The following SEMA3A variants were observed in gnomAD, a reference collection of about 807,000 sequenced individuals.
The protein encoded by SEMA3A is semaphorin 3A, also known as semaphorin-3A.
In SEMA3A, 29 loss-of-function variants were observed where a neutral mutation model predicts 97.9. That is an observed-to-expected ratio of 0.30 (90% confidence interval 0.22 to 0.40). The LOEUF (loss-of-function observed/expected upper bound fraction) is 0.40, where lower values mean the gene tolerates loss of function less well. Among genes scored for constraint, SEMA3A ranks in the 10% least tolerant of loss-of-function variants. SEMA3A has a pLI of 1.00. For synonymous variants in SEMA3A, 321 were observed against 323.7 expected, an observed-to-expected ratio of 0.99 and a Z score of 0.09; for missense variants, 763 against 951.3, an observed-to-expected ratio of 0.80 and a Z score of 2.60.
At chr7:84,208,919 G>T (rs1798560874) in intron 3 of SEMA3A, among the ~76,000 whole-genome samples, 1 of 152,134 alleles carries the variant, frequency 6.6e-6, no homozygotes, top group African/African-American at 2.4e-5. Flanking sequence ...ACCAGCATTG[G>T]ATACTGTGTA....
rs185511746 is a variant in SEMA3A, at chr7:84,417,909, A to G, written c.-245-46009T>C. 4.6e-4 allele frequency among the ~76,000 whole-genome samples: 70 copies of G among 152,240 alleles called. No homozygotes were observed. The East Asian group carries it at 0.011, about 24-fold the overall frequency. ...ATAGATAGCAATTACTAAGTACCAA[A>G]CGCTAGTCTAATTATTAAGCTAATA... On this transcript the variant is annotated intron_variant, in intron 1 of 3. Transcript: ENST00000424555.
intron 13 of SEMA3A, 128 bp from the exon 14 acceptor site, chr7:83,981,606 T>C: frequency 1.2e-6 from 1 of 811,728 alleles, no homozygotes; most frequent in Admixed American, 3.6e-5. Flanking sequence ...ATCATCCCTT[T>C]ATTGCTAATT....
intron 4 of SEMA3A, among the ~76,000 whole-genome samples, chr7:84,084,955 A>G (rs1257862018): frequency 6.6e-6 from 1 of 152,172 alleles, no homozygotes; most frequent in African/African-American, 2.4e-5. Context: ...TTAGCTTTAC[A>G]GTTGATTACT....
intron 2 of SEMA3A, among the ~76,000 whole-genome samples, chr7:84,334,876 C>G (rs936085799): frequency 6.6e-6 from 1 of 151,618 alleles, no homozygotes; most frequent in African/African-American, 2.4e-5. Context: ...TCAATTTCCC[C>G]CTAAGTCCCA....
At chr7:84,003,537 A>G (rs1790544758) in intron 11 of SEMA3A, among the ~76,000 whole-genome samples, 1 of 152,130 alleles carries the variant, frequency 6.6e-6, no homozygotes, top group African/African-American at 2.4e-5. Context: ...ATCATCAGAC[A>G]TTCAACACAC....
chr7:84,048,394 A>G (rs1792447923), intron 5 of SEMA3A, among the ~76,000 whole-genome samples: 1 of 152,024 alleles, frequency 6.6e-6, no homozygotes, highest in South Asian at 2.1e-4. Flanking sequence ...ATTAACCAAT[A>G]TTCAAGCACC....
intron 4 of SEMA3A, among the ~76,000 whole-genome samples, chr7:84,086,287 T>C (rs918414732): frequency 2.0e-5 from 3 of 151,778 alleles, no homozygotes; most frequent in Non-Finnish European, 4.4e-5. Flanking sequence ...CAACAGTCTC[T>C]AGAATTAGCA....
rs555981348 is a variant in SEMA3A at position 84,317,531 on chromosome 7, C to A, written c.-168-10239G>T. On this transcript the variant is annotated intron_variant, in intron 2 of 3. Coordinates refer to the SEMA3A transcript ENST00000424555. ...ATTTTAACTTATATTTTTACAAAAT[C>A]TTTTCTTACCTAAATATCACTATTT... Among the ~76,000 whole-genome samples the A allele has an allele frequency of 1.2e-4, 19 of 152,126 alleles. No homozygotes were observed. The South Asian group carries it at 3.5e-3, about 28-fold the overall frequency.
chr7:84,140,508 A>G (rs1452465115), intron 1 of SEMA3A, among the ~76,000 whole-genome samples: 1 of 152,106 alleles, frequency 6.6e-6, no homozygotes, highest in Non-Finnish European at 1.5e-5. Flanking sequence ...GCTGGACTCA[A>G]ATGAATTGCC....
chr7:84,232,255 ATTTATTATATTATAT>A (rs1562863766), intron 3 of SEMA3A, among the ~76,000 whole-genome samples: 4 of 147,850 alleles, frequency 2.7e-5, no homozygotes. Flanking sequence ...TTATATGTAT[ATTTATTATATTATAT>A]TTTATTATAT....
chr7:84,011,056 T>G lies in SEMA3A; in HGVS notation c.961A>C (p.Asn321His). The G allele has an allele frequency of 6.2e-7, 1 of 1,612,278 alleles. No homozygotes were observed. Among genetic ancestry groups the G allele is most frequent in the South Asian group, 1.1e-5 (1 of 91,002 alleles). The stretch of plus-strand genomic sequence containing the variant: ...GTAAACACTCCATATACAACTGGAT[T>G]TTTAGGATCTTTAAAGTTCATTAGG... ...VFLMNFKDPK[N>H]PVVYGVFTTS... The change falls in exon 9 of 17, where the codon AAT (asparagine) becomes CAT (histidine). Residue 321 changes from asparagine to histidine, a missense_variant. By Grantham distance (68) the Asn-to-His change is moderately conservative. Coordinates refer to ENST00000265362, the MANE Select transcript of SEMA3A (RefSeq NM_006080.3).
intron 1 of SEMA3A, among the ~76,000 whole-genome samples, chr7:84,461,061 A>C (rs1441003051): frequency 6.6e-6 from 1 of 152,200 alleles, no homozygotes; most frequent in Non-Finnish European, 1.5e-5. Flanking sequence ...TATCAGCCCA[A>C]ATAGAAGCTT....
At chr7:83,998,849 C>T (rs1790323640) in intron 12 of SEMA3A, among the ~76,000 whole-genome samples, 1 of 152,076 alleles carries the variant, frequency 6.6e-6, no homozygotes, top group African/African-American at 2.4e-5. Context: ...TAGCCTAGGC[C>T]TACACAGGGT....
intron 1 of SEMA3A, among the ~76,000 whole-genome samples, chr7:84,138,618 G>A (rs1347019608): frequency 6.6e-6 from 1 of 151,956 alleles, no homozygotes; most frequent in East Asian, 1.9e-4. Flanking sequence ...TCAACAGTTT[G>A]ATTTTTTAAA....
intron 1 of SEMA3A, among the ~76,000 whole-genome samples, chr7:84,175,180 T>G (rs1797524052): frequency 6.6e-6 from 1 of 152,242 alleles, no homozygotes; most frequent in African/African-American, 2.4e-5. Flanking sequence ...TGAGCCTTGG[T>G]TTCCTTATCT....
chr7:84,116,721 G>A (rs954707897), intron 3 of SEMA3A, among the ~76,000 whole-genome samples: 6 of 152,148 alleles, frequency 3.9e-5, no homozygotes, highest in African/African-American at 7.2e-5. Context: ...AGGACCATGT[G>A]AAGAGGCAGC....
chr7:84,211,870 A>C (rs1798636506), intron 3 of SEMA3A, among the ~76,000 whole-genome samples: 1 of 152,220 alleles, frequency 6.6e-6, no homozygotes, highest in Admixed American at 6.5e-5. Context: ...AGATCAATGT[A>C]AAGACAAAAA....
chr7:84,424,953 T>TTATA (rs1215982940), intron 1 of SEMA3A, among the ~76,000 whole-genome samples: 18 of 100,800 alleles, frequency 1.8e-4, no homozygotes, highest in African/African-American at 7.1e-4. Flanking sequence ...ATATTTATAA[T>TTATA]TATATATATA....
chr7:84,156,166 G>A (rs555666773), intron 1 of SEMA3A, among the ~76,000 whole-genome samples: 1 of 151,898 alleles, frequency 6.6e-6, no homozygotes, highest in Non-Finnish European at 1.5e-5. Flanking sequence ...AAGGTTACTG[G>A]TGTTTACGTG....
Sources: gnomAD v4.1 joint callset for allele counts (sites outside exome capture counted in the v4.1 genomes callset) on GRCh38, gnomAD v4.1.1 for gene constraint, MANE v1.5 for transcripts, NCBI Gene and HGNC (gene_info 2026-07-23, HGNC 2026-07-21) for gene names.